Variants in EPRS1 observed in about 807,000 individuals in gnomAD.
EPRS1 encodes glutamyl-prolyl-tRNA synthetase 1.
EPRS1 carries 107 observed loss-of-function variants against 188.3 expected under a neutral mutation model. The ratio of observed to expected loss-of-function variants is 0.57; its 90% confidence interval spans 0.49 to 0.67. EPRS1 has a LOEUF of 0.67. Among genes scored for constraint, EPRS1 ranks in the 30% least tolerant of loss-of-function variants. The probability of loss-of-function intolerance (pLI) is 0.00; values close to 1 mark genes in which losing one functional copy is unlikely to be tolerated. For missense variants in EPRS1, 1,577 were observed against 1,802.2 expected, an observed-to-expected ratio of 0.88 and a Z score of 2.26; for synonymous variants, 596 against 593.1, an observed-to-expected ratio of 1.00 and a Z score of -0.07.
In EPRS1 at chr1:220,006,207, G is replaced by A. The variant is rs750230860; in HGVS notation, c.1849C>T (p.Leu617Phe). Reference protein sequence around the residue: ...VTWLAETTHALPIPVICVTYE... With the variant: ...VTWLAETTHAFPIPVICVTYE... The stretch of plus-strand genomic sequence containing the variant: ...GTGACACAGATTACTGGAATAGGAA[G>A]AGCATGTGTAGTCTCTGCAAGCCAA... Residue 617 changes from leucine (L) to phenylalanine (F), a missense_variant, in exon 15 of 32, where the codon CTT becomes TTT. Physicochemically the swap from Leu to Phe is conservative, Grantham distance 22. Around this residue, in one of 3 missense-constraint regions of EPRS1, gnomAD observed 1,278 missense variants for 1,457.4 expected, o/e 0.88. Transcript: ENST00000366923. 1 of 1,606,562 alleles carries A rather than the reference G, an allele frequency of 6.2e-7. No individual in the cohort carries two copies. The highest frequency in any genetic ancestry group is 2.2e-5 in the East Asian group (1 of 44,626).
Position 219,988,590 on chromosome 1 carries a change from C to T in EPRS1, c.2775G>A (p.Lys925=), listed in dbSNP as rs1338206445. The change falls in exon 19 of 32, where the codon AAG becomes AAA. Residue 925 remains lysine (K), a splice_region_variant and synonymous_variant. Coordinates refer to ENST00000366923, the MANE Select transcript of EPRS1 (RefSeq NM_004446.3). The part of the protein sequence containing the change: ...VRKLKTEKAP[K]DQVDIAVQEL... Reference sequence around the variant, plus strand: ...CATATAAACAAAATAACACACTAACCTTAGGGGCTTTTTCAGTTTTAAGTT... The same window carrying T: ...CATATAAACAAAATAACACACTAACTTTAGGGGCTTTTTCAGTTTTAAGTT... The T allele has an allele frequency of 1.2e-6, 2 of 1,602,106 alleles. No individual in the cohort carries two copies. The highest frequency in any genetic ancestry group is 3.3e-5 in the Admixed American group (2 of 59,880).
chr1:220,036,822 T>TA (rs990083856), intron 2 of EPRS1, among the ~76,000 whole-genome samples: 1 of 151,866 alleles, frequency 6.6e-6, no homozygotes, highest in Non-Finnish European at 1.5e-5. Flanking sequence ...CCACTGAACC[T>TA]AAAATAAAAG....
intron 2 of EPRS1, among the ~76,000 whole-genome samples, chr1:220,037,505 C>CAAA (rs766349279): frequency 5.7e-5 from 3 of 52,304 alleles, no homozygotes; most frequent in Non-Finnish European, 8.2e-5. Context: ...ACTCCATCTC[C>CAAA]AAAAAAAAAA....
At chr1:220,017,751 T>C (rs962949004) in intron 12 of EPRS1, among the ~76,000 whole-genome samples, 1 of 151,912 alleles carries the variant, frequency 6.6e-6, no homozygotes, top group Non-Finnish European at 1.5e-5. Context: ...ATTAACAATG[T>C]CAATAGGCAA....
chr1:220,015,011 C>A (rs1661674667), intron 12 of EPRS1, among the ~76,000 whole-genome samples: 1 of 152,030 alleles, frequency 6.6e-6, no homozygotes, highest in Non-Finnish European at 1.5e-5. Flanking sequence ...AAATAAAATT[C>A]AACAGAAAGG....
chr1:220,029,718 G>T (rs1009802061), intron 6 of EPRS1, among the ~76,000 whole-genome samples: 1 of 152,192 alleles, frequency 6.6e-6, no homozygotes, highest in African/African-American at 2.4e-5. Flanking sequence ...TTGGAAGGAC[G>T]CTATTATAAA....
chr1:220,039,163 T>C (rs1285213196), intron 2 of EPRS1, among the ~76,000 whole-genome samples: 1 of 152,184 alleles, frequency 6.6e-6, no homozygotes, highest in Non-Finnish European at 1.5e-5. Flanking sequence ...TATTGCTTTC[T>C]GAAGCAACAT....
intron 1 of EPRS1, among the ~76,000 whole-genome samples, chr1:220,041,837 T>C (rs1662300648): frequency 1.3e-5 from 2 of 150,482 alleles, no homozygotes; most frequent in South Asian, 2.1e-4. Flanking sequence ...TGAAATTCTG[T>C]CTGAAAAAAA....
At chr1:220,005,431 C>T in intron 15 of EPRS1, 71 bp from the exon 16 acceptor site, 1 of 751,556 alleles carries the variant, frequency 1.3e-6, no homozygotes. Context: ...AAAATGCAAG[C>T]AGTTTCCACT....
chr1:219,998,651 CT>C (rs1171115773), intron 17 of EPRS1, among the ~76,000 whole-genome samples: 1 of 150,142 alleles, frequency 6.7e-6, no homozygotes, highest in Non-Finnish European at 1.5e-5. Context: ...CAAGTGATTA[CT>C]GTTCCTCAAC....
rs568916277 is a variant in EPRS1 at position 219,975,082 on chromosome 1, C to T, written c.4084-1684G>A. Among the ~76,000 whole-genome samples, 6 of 152,276 alleles carry T rather than the reference C, an allele frequency of 3.9e-5. No homozygotes were observed. In the East Asian group the frequency reaches 1.2e-3, roughly 29 times the overall value. ...ATAATGAAAGTCTGAGGAACTACTT[C>T]TGATTAAAGAAAACTAAAAGGCATG... On this transcript the variant is annotated intron_variant, in intron 28 of 31. Coordinates refer to ENST00000366923, the MANE Select transcript of EPRS1 (RefSeq NM_004446.3).
chr1:220,008,264 A>G (rs925687377), intron 13 of EPRS1, among the ~76,000 whole-genome samples: 1 of 152,196 alleles, frequency 6.6e-6, no homozygotes, highest in Non-Finnish European at 1.5e-5. Flanking sequence ...ATTTTAGAAG[A>G]CAAACTTTAA....
At chr1:219,970,381 C>G (rs1283034785) in intron 30 of EPRS1, among the ~76,000 whole-genome samples, 1 of 151,482 alleles carries the variant, frequency 6.6e-6, no homozygotes, top group Non-Finnish European at 1.5e-5. Flanking sequence ...GCTTCTTCAG[C>G]AGCTTCTCAT....
At position 220,026,015 on chromosome 1, in the gene EPRS1, G is replaced by A. The variant is rs1423828405; in HGVS notation, c.624-757C>T. Among the ~76,000 whole-genome samples, 9 of 152,156 alleles carry A rather than the reference G, an allele frequency of 5.9e-5. No individual in the cohort carries two copies. The East Asian group carries it at 9.7e-4, about 16-fold the overall frequency. On this transcript the variant is annotated intron_variant, in intron 6 of 31. Transcript: ENST00000366923. Reference sequence around the variant, plus strand: ...TCACCATGTTGGCCAGGATGGTCTCGATCTCTTGACCTCGTGATCCGCCTG... The same window carrying A: ...TCACCATGTTGGCCAGGATGGTCTCAATCTCTTGACCTCGTGATCCGCCTG...
chr1:220,027,105 C>T (rs979177779), intron 6 of EPRS1, among the ~76,000 whole-genome samples: 3 of 151,026 alleles, frequency 2.0e-5, no homozygotes, highest in South Asian at 2.1e-4. Flanking sequence ...GCCTGGCCAA[C>T]ATGGTGAAAC....
rs145176480 is a variant in EPRS1, at chr1:219,980,163, C to T, written c.3633G>A (p.Thr1211=). ...LAIPVVKGRK[T]EKEKFAGGDY... ...CTCCTCCTGCAAATTTTTCCTTTTC[C>T]GTCTTTCTTCCTTTAACAACAGGAA... Residue 1211 remains threonine, a synonymous_variant, in exon 26 of 32, where the codon ACG becomes ACA. Transcript: ENST00000366923. The T allele has an allele frequency of 2.2e-4, 353 of 1,613,532 alleles. No homozygotes were observed. The African/African-American group carries it at 4.1e-3, about 19-fold the overall frequency.
intron 2 of EPRS1, among the ~76,000 whole-genome samples, chr1:220,038,820 G>A (rs973153175): frequency 3.3e-5 from 5 of 152,066 alleles, no homozygotes; most frequent in African/African-American, 7.2e-5. Flanking sequence ...GAAACAGAGC[G>A]GCACAGGAAC....
At chr1:220,035,869 TAATA>T (rs1398475175) in intron 2 of EPRS1, among the ~76,000 whole-genome samples, 1 of 152,066 alleles carries the variant, frequency 6.6e-6, no homozygotes, top group African/African-American at 2.4e-5. Flanking sequence ...AATCTATTGC[TAATA>T]AAGAGGCTAC....
At chr1:219,992,754 C>G (rs1661148201) in intron 18 of EPRS1, among the ~76,000 whole-genome samples, 1 of 152,074 alleles carries the variant, frequency 6.6e-6, no homozygotes, top group Non-Finnish European at 1.5e-5. Context: ...AAAACCCTGT[C>G]TCTACTAAAA....
Sources: allele counts gnomAD v4.1 joint callset (sites outside exome capture counted in the v4.1 genomes callset), GRCh38; gene constraint gnomAD v4.1.1; regional missense constraint gnomAD v4.1.1; transcripts MANE v1.5; gene names NCBI Gene and HGNC (gene_info 2026-07-23, HGNC 2026-07-21).